PAK3: variants seen among roughly 807,000 people sequenced by gnomAD.
PAK3 encodes p21 (RAC1) activated kinase 3.
In PAK3, 4 loss-of-function variants were observed where a neutral mutation model predicts 41.0. That is an observed-to-expected ratio of 0.10 (90% CI 0.05 to 0.22). The LOEUF is 0.22. PAK3 is among the 10% of genes least tolerant of loss of function. The pLI, the probability that PAK3 is intolerant of heterozygous loss-of-function variation, is 1.00. For missense variants in PAK3, 205 were observed against 409.9 expected (o/e 0.50, Z 4.32); for synonymous variants, 146 against 139.6 (o/e 1.05, Z -0.32).
chrX:111,102,767 C>A, intron 3 of PAK3, among the ~76,000 whole-genome samples: 1 of 111,946 alleles, frequency 8.9e-6, no homozygotes, highest in East Asian at 2.8e-4. Flanking sequence ...TGATTTAGTT[C>A]TTCCAACACT....
chrX:110,995,342 C>T (rs1395024984), intron 1 of PAK3, among the ~76,000 whole-genome samples: 2 of 111,400 alleles, frequency 1.8e-5, no homozygotes, highest in Non-Finnish European at 3.8e-5. Context: ...ATACATATTC[C>T]AACCCCTGAG....
chrX:111,220,363 A>G lies in PAK3; in HGVS notation c.1551A>G (p.Pro517=). The change falls in exon 18 of 18, where the codon CCA becomes CCG. Residue 517 remains proline (P), a synonymous_variant. Transcript: ENST00000372007. ...RGSAKELLQH[P]FLKLAKPLSS... ...CTTTTTCCTTCCTTTTGCAGCATCC[A>G]TTTTTAAAATTAGCCAAGCCTCTCT... The G allele has an allele frequency of 4.2e-6, 5 of 1,182,308 alleles. No individual in the cohort carries two copies. Among genetic ancestry groups the G allele is most frequent in the Non-Finnish European group, 5.8e-6 (5 of 869,114 alleles).
At chrX:111,161,808 C>G (rs1003767028) in intron 8 of PAK3, among the ~76,000 whole-genome samples, 45 of 111,185 alleles carry the variant, frequency 4.0e-4, no homozygotes, top group Non-Finnish European at 6.8e-4. Context: ...GGGCTCTGTT[C>G]TGTTCCATTG....
chrX:111,218,793 T>C (rs191257939), intron 17 of PAK3, among the ~76,000 whole-genome samples: 1 of 111,116 alleles, frequency 9.0e-6, no homozygotes, highest in Non-Finnish European at 1.9e-5. Context: ...TCTGGTAGTA[T>C]GTGGTAAGAA....
At chrX:110,956,480 C>A (rs971815934) in intron 1 of PAK3, among the ~76,000 whole-genome samples, 3 of 111,579 alleles carry the variant, frequency 2.7e-5, no homozygotes, top group South Asian at 7.7e-4. Context: ...CTATTATCCT[C>A]ATTTACCCTT....
intron 1 of PAK3, among the ~76,000 whole-genome samples, chrX:111,046,791 A>G (rs2092502910): frequency 8.9e-6 from 1 of 112,341 alleles, no homozygotes; most frequent in African/African-American, 3.2e-5. Context: ...ACTGTTTATT[A>G]TTACAAATAA....
intron 1 of PAK3, among the ~76,000 whole-genome samples, chrX:111,048,631 C>A (rs1218719782): frequency 9.0e-6 from 1 of 111,711 alleles, no homozygotes; most frequent in African/African-American, 3.3e-5. Context: ...ATCCTATTTT[C>A]TCCCACCCAA....
At chrX:111,168,429 T>C (rs184675810) in intron 10 of PAK3, among the ~76,000 whole-genome samples, 163 of 111,896 alleles carry the variant, frequency 1.5e-3, no homozygotes, top group African/African-American at 4.9e-3. Context: ...TAATAACTAA[T>C]GGAAAAGATC....
At chrX:111,091,472 G>C (rs1473646604), upstream of PAK3, among the ~76,000 whole-genome samples, 1 of 112,093 alleles carries the variant, frequency 8.9e-6, no homozygotes, top group East Asian at 2.8e-4. Context: ...CGAAATTTGA[G>C]TCTTGTTCAG....
At chrX:111,150,025 T>C (rs868098565) in intron 7 of PAK3, among the ~76,000 whole-genome samples, 9 of 112,379 alleles carry the variant, frequency 8.0e-5, no homozygotes, top group Middle Eastern at 4.6e-3. Flanking sequence ...CTTGAATGCT[T>C]TGCTGCATAG....
intron 1 of PAK3, among the ~76,000 whole-genome samples, chrX:111,053,221 G>A (rs924551583): frequency 9.0e-6 from 1 of 110,867 alleles, no homozygotes; most frequent in Non-Finnish European, 1.9e-5. Context: ...GTTGAGGAAT[G>A]AGTTTCCATT....
chrX:110,997,843 C>T (rs1260106314), intron 1 of PAK3, among the ~76,000 whole-genome samples: 2 of 110,538 alleles, frequency 1.8e-5, no homozygotes, highest in African/African-American at 6.6e-5. Context: ...GATTAGTACC[C>T]TTATAAAAGA....
chrX:111,215,837 C>T (rs1276378300), intron 16 of PAK3, among the ~76,000 whole-genome samples: 1 of 112,153 alleles, frequency 8.9e-6, no homozygotes, highest in Admixed American at 9.4e-5. Flanking sequence ...ATACAGCTGC[C>T]ACAGGGTAAA....
intron 5 of PAK3, among the ~76,000 whole-genome samples, chrX:111,137,940 G>A (rs1207651082): frequency 3.6e-5 from 4 of 111,646 alleles, no homozygotes; most frequent in Non-Finnish European, 7.5e-5. Context: ...ATTTTGCAGG[G>A]TGATACAGAC....
At chrX:111,136,613 G>A (rs1408192396) in intron 5 of PAK3, among the ~76,000 whole-genome samples, 5 of 111,873 alleles carry the variant, frequency 4.5e-5, no homozygotes, top group Non-Finnish European at 9.4e-5. Flanking sequence ...AGAAATGGAG[G>A]TCTTGTTGAG....
chrX:111,118,570 C>T (rs976124623), intron 4 of PAK3, among the ~76,000 whole-genome samples: 14 of 110,939 alleles, frequency 1.3e-4, no homozygotes, highest in African/African-American at 4.3e-4. Context: ...GGGCGTTAAA[C>T]AGCCTTGGTG....
intron 1 of PAK3, among the ~76,000 whole-genome samples, chrX:111,028,413 G>A (rs1242946570): frequency 9.0e-6 from 1 of 110,706 alleles, no homozygotes; most frequent in Non-Finnish European, 1.9e-5. Flanking sequence ...TTAAAAAAGT[G>A]AATGTATTTA....
Position 111,145,173 on chromosome X carries a change from C to A in PAK3, c.277-2564C>A, listed in dbSNP as rs992019101. Among the ~76,000 whole-genome samples the A allele has an allele frequency of 2.7e-5, 3 of 111,648 alleles. No homozygotes were observed. In the Admixed American group the frequency reaches 2.8e-4, roughly 11 times the overall value. On this transcript the variant is annotated intron_variant, in intron 6 of 17. Coordinates refer to ENST00000372007, the MANE Select transcript of PAK3 (RefSeq NM_002578.5). ...AATGAGATGGCTTTATGACTATGTG[C>A]CTTTGTGGCATACATTCAAATTTGA...
upstream of PAK3, among the ~76,000 whole-genome samples, chrX:111,091,511 C>T (rs1446261829): frequency 8.9e-6 from 1 of 111,977 alleles, no homozygotes; most frequent in Admixed American, 9.4e-5. Flanking sequence ...TGGAATAGAA[C>T]CTGGGTTTCC....
Sources: gnomAD v4.1 joint callset for allele counts (sites outside exome capture counted in the v4.1 genomes callset) on GRCh38, gnomAD v4.1.1 for gene constraint, MANE v1.5 for transcripts, NCBI Gene and HGNC (gene_info 2026-07-23, HGNC 2026-07-21) for gene names.